PRDM6: variants seen among roughly 807,000 people sequenced by gnomAD.
PRDM6 encodes putative histone-lysine N-methyltransferase PRDM6.
PRDM6 carries 25 observed loss-of-function variants against 60.8 expected under a neutral mutation model. The observed-to-expected ratio is 0.41, with a 90% CI of 0.30 to 0.57. The LOEUF (loss-of-function observed/expected upper bound fraction) is 0.57, where lower values mean the gene tolerates loss of function less well. PRDM6 is among the 20% of genes least tolerant of loss of function. The pLI, the probability that PRDM6 is intolerant of heterozygous loss-of-function variation, is 0.27. For missense variants in PRDM6, 839 were observed against 821.3 expected (o/e 1.02, Z -0.26); for synonymous variants, 407 against 357.4 (o/e 1.14, Z -1.57).
intron 1 of PRDM6, among the ~76,000 whole-genome samples, chr5:123,089,778 G>A (rs1763761808): frequency 6.6e-6 from 1 of 152,226 alleles, no homozygotes; most frequent in Non-Finnish European, 1.5e-5. Context: ...TGGACGCTGC[G>A]ATCGGGGAGG....
At chr5:123,135,043 A>T (rs907320793) in intron 3 of PRDM6, among the ~76,000 whole-genome samples, 2 of 151,698 alleles carry the variant, frequency 1.3e-5, no homozygotes, top group Non-Finnish European at 2.9e-5. Flanking sequence ...TTAAATAATT[A>T]AAAACTTTTG....
At chr5:123,127,196 C>G (rs1034298072) in intron 3 of PRDM6, among the ~76,000 whole-genome samples, 1 of 152,176 alleles carries the variant, frequency 6.6e-6, no homozygotes, top group African/African-American at 2.4e-5. Flanking sequence ...CACCACCATG[C>G]CTGGCTAATT....
chr5:123,109,202 A>G (rs1409290750), intron 3 of PRDM6, among the ~76,000 whole-genome samples: 1 of 52,200 alleles, frequency 1.9e-5, no homozygotes, highest in East Asian at 2.7e-4. Context: ...TTAACAAAAA[A>G]AGATCAAGTA....
At chr5:123,141,328 T>C (rs546911345) in intron 3 of PRDM6, among the ~76,000 whole-genome samples, 20 of 152,198 alleles carry the variant, frequency 1.3e-4, no homozygotes, top group African/African-American at 3.8e-4. Flanking sequence ...TAAACATTAT[T>C]TAATATCTTG....
intron 2 of PRDM6, among the ~76,000 whole-genome samples, chr5:123,096,653 G>T (rs1763965778): frequency 6.6e-6 from 1 of 152,218 alleles, no homozygotes; most frequent in Non-Finnish European, 1.5e-5. Context: ...GATTGACTTT[G>T]TCTAGCCTGC....
At chr5:123,141,412 G>T (rs1765097328) in intron 3 of PRDM6, among the ~76,000 whole-genome samples, 1 of 151,962 alleles carries the variant, frequency 6.6e-6, no homozygotes, top group South Asian at 2.1e-4. Flanking sequence ...TATGATTTGT[G>T]AAAGGGGATC....
At chr5:123,160,007 C>T (rs1189190348) in intron 5 of PRDM6, among the ~76,000 whole-genome samples, 2 of 152,246 alleles carry the variant, frequency 1.3e-5, no homozygotes, top group African/African-American at 4.8e-5. Context: ...AAGGGATGTA[C>T]AGTCCTGTGG....
chr5:123,100,015 G>A (rs1429730820), intron 3 of PRDM6, 54 bp downstream of exon 3: 1 of 1,439,602 alleles, frequency 6.9e-7, no homozygotes, highest in Non-Finnish European at 9.2e-7. Context: ...TTGGCCAGCA[G>A]GGAGCCTTGG....
intron 3 of PRDM6, among the ~76,000 whole-genome samples, chr5:123,140,338 A>T (rs1458407785): frequency 2.0e-5 from 3 of 152,090 alleles, no homozygotes; most frequent in Non-Finnish European, 4.4e-5. Flanking sequence ...TGTTTGGAAA[A>T]ATGATCTGGT....
rs748496014 is a variant in PRDM6 at position 123,143,147 on chromosome 5, AAGTG to A, written c.901-12736_901-12733del. Among the ~76,000 whole-genome samples, 21 of 93,978 alleles carry A rather than the reference AAGTG, an allele frequency of 2.2e-4. 1 individual carries two copies. The highest frequency in any genetic ancestry group is 6.6e-4 in the South Asian group (2 of 3,028). The allele number at this position is 93,978 out of a possible 152,430, so 61.7% of individuals were successfully genotyped here. On this transcript the variant is annotated intron_variant, in intron 3 of 7. Coordinates refer to ENST00000407847, the MANE Select transcript of PRDM6 (RefSeq NM_001136239.4). ...GTATGGGATTTGGCAGTAGTTTTTAAAGTGTGTGTGTGTGTGTGTGTGTGTGTGT... is the reference window on the plus strand; with the variant it reads ...GTATGGGATTTGGCAGTAGTTTTTAATGTGTGTGTGTGTGTGTGTGTGTGT...
At chr5:123,144,633 G>A (rs938050996) in intron 3 of PRDM6, among the ~76,000 whole-genome samples, 1 of 152,176 alleles carries the variant, frequency 6.6e-6, no homozygotes, top group African/African-American at 2.4e-5. Context: ...CTTGGAGAGA[G>A]AGAGGTACAT....
chr5:123,114,092 C>G (rs926197466), intron 3 of PRDM6, among the ~76,000 whole-genome samples: 3 of 152,094 alleles, frequency 2.0e-5, no homozygotes, highest in African/African-American at 7.2e-5. Flanking sequence ...GAGGTGACTT[C>G]CCGCCAGAAA....
At chr5:123,160,316 T>A (rs1276560472) in intron 5 of PRDM6, among the ~76,000 whole-genome samples, 3 of 152,236 alleles carry the variant, frequency 2.0e-5, no homozygotes, top group African/African-American at 7.2e-5. Flanking sequence ...ACTTTATATT[T>A]CTGCTCTATC....
At chr5:123,172,426 C>G (rs1299038447) in intron 6 of PRDM6, among the ~76,000 whole-genome samples, 1 of 152,016 alleles carries the variant, frequency 6.6e-6, no homozygotes. Context: ...ATAGGCGAGC[C>G]CCCTGGTGAG....
At chr5:123,118,868 G>A (rs887994979) in intron 3 of PRDM6, among the ~76,000 whole-genome samples, 1 of 152,122 alleles carries the variant, frequency 6.6e-6, no homozygotes, top group South Asian at 2.1e-4. Context: ...ACAGGCACAG[G>A]TATATGACCT....
intron 3 of PRDM6, among the ~76,000 whole-genome samples, chr5:123,121,245 G>A (rs566611974): frequency 6.6e-6 from 1 of 152,152 alleles, no homozygotes; most frequent in East Asian, 1.9e-4. Flanking sequence ...ATGCCCCAAA[G>A]TACAGAGAAA....
intron 3 of PRDM6, among the ~76,000 whole-genome samples, chr5:123,120,840 C>T (rs1353225264): frequency 6.6e-6 from 1 of 152,084 alleles, no homozygotes; most frequent in Non-Finnish European, 1.5e-5. Context: ...TTTTAGTGAG[C>T]ATATTTGGAC....
At chr5:123,123,049 T>G (rs529304346) in intron 3 of PRDM6, among the ~76,000 whole-genome samples, 1 of 152,310 alleles carries the variant, frequency 6.6e-6, no homozygotes, top group East Asian at 1.9e-4. Flanking sequence ...TATAAATTTT[T>G]TATGTTTCTG....
rs576623194 is a variant in PRDM6, at chr5:123,109,740, T to G, written c.900+9779T>G. On this transcript the variant is annotated intron_variant, in intron 3 of 7. Coordinates refer to ENST00000407847, the MANE Select transcript of PRDM6 (RefSeq NM_001136239.4). ...TGTTGGCACATTTATATTTCCTAAA[T>G]GTACCTGATTTCAGTAAGCAAAATG... 4.5e-4 allele frequency among the ~76,000 whole-genome samples: 68 copies of G among 152,334 alleles called. 1 individual carries two copies. Among genetic ancestry groups the G allele is most frequent in the Admixed American group, 1.5e-3 (23 of 15,304 alleles).
Sources: allele counts gnomAD v4.1 joint callset (sites outside exome capture counted in the v4.1 genomes callset), GRCh38; gene constraint gnomAD v4.1.1; transcripts MANE v1.5; gene names NCBI Gene and HGNC (gene_info 2026-07-23, HGNC 2026-07-21).